Variants in SSH1 observed in about 807,000 individuals in gnomAD.
SSH1 encodes the protein protein phosphatase Slingshot homolog 1.
SSH1 carries 43 observed loss-of-function variants against 79.7 expected under a neutral mutation model. The observed-to-expected ratio is 0.54, with a 90% confidence interval of 0.42 to 0.70. SSH1 has a LOEUF of 0.70. SSH1 is among the 30% of genes least tolerant of loss of function. The pLI is 0.00. For missense variants in SSH1, 1,206 were observed against 1,358.8 expected (o/e 0.89, Z 1.77); for synonymous variants, 599 against 538.3 (o/e 1.11, Z -1.56).
chr12:108,824,588 A>C (rs2038244494), intron 2 of SSH1, among the ~76,000 whole-genome samples: 1 of 152,182 alleles, frequency 6.6e-6, no homozygotes, highest in Non-Finnish European at 1.5e-5. Context: ...TTCTCAGCAG[A>C]ATGAATCTTT....
intron 3 of SSH1, among the ~76,000 whole-genome samples, chr12:108,822,920 G>A (rs184608737): frequency 3.3e-5 from 5 of 152,276 alleles, no homozygotes; most frequent in South Asian, 2.1e-4. Context: ...TCAAGTGGAC[G>A]ACATCTGGCT....
chr12:108,816,338 T>C (rs2037884429), intron 5 of SSH1, among the ~76,000 whole-genome samples: 1 of 152,242 alleles, frequency 6.6e-6, no homozygotes, highest in Non-Finnish European at 1.5e-5. Flanking sequence ...AATCATATGC[T>C]TAATGAATGA....
Position 108,852,507 on chromosome 12 carries a change from G to A in SSH1, c.110+131C>T. 2.8e-6 allele frequency: 3 copies of A among 1,058,222 alleles called. No individual in the cohort carries two copies. The South Asian group carries it at 3.8e-5, about 13-fold the overall frequency. 65.6% of individuals were successfully genotyped at this position (1,058,222 alleles called of 1,614,324 possible). ...AGCCTCCCAAAGTGCTGGAATTACAGGCGTGACCCACCGCACCCAGCCCAA... is the reference window on the plus strand; with the variant it reads ...AGCCTCCCAAAGTGCTGGAATTACAAGCGTGACCCACCGCACCCAGCCCAA... On this transcript the variant is annotated intron_variant, in intron 2 of 14. Transcript: ENST00000326495.
chr12:108,814,118 G>GGA (rs937015863), intron 5 of SSH1, among the ~76,000 whole-genome samples: 4 of 152,202 alleles, frequency 2.6e-5, no homozygotes, highest in African/African-American at 9.6e-5. Flanking sequence ...CAGCTACTCA[G>GGA]GAGACTGAGG....
In SSH1 at chr12:108,807,832, G is replaced by A. The variant is rs1426557853; in HGVS notation, c.537-5C>T. On this transcript the variant is annotated splice_region_variant and splice_polypyrimidine_tract_variant and intron_variant, in intron 7 of 14. Coordinates refer to ENST00000326495, the MANE Select transcript of SSH1 (RefSeq NM_018984.4). This position sits in a 1 kb window ranked among gnomAD's most constrained non-coding sequence, Gnocchi z 5.2. ...TGAAGCACCTGCAGGGCAGACCTGG[G>A]GCGAGGAGAAGACAGGGTCAGGCCT... The A allele has an allele frequency of 1.2e-6, 2 of 1,613,694 alleles. No homozygotes were observed. Among genetic ancestry groups the A allele is most frequent in the South Asian group, 1.1e-5 (1 of 91,040 alleles).
chr12:108,802,411 A>C, intron 10 of SSH1, 43 bp from the exon 11 acceptor site: 1 of 1,589,924 alleles, frequency 6.3e-7, no homozygotes, highest in Non-Finnish European at 8.6e-7. Flanking sequence ...GTCACATGTC[A>C]GCCTCAGAGC....
chr12:108,856,946 C>T (rs2039156501), intron 1 of SSH1, among the ~76,000 whole-genome samples: 1 of 152,240 alleles, frequency 6.6e-6, no homozygotes, highest in South Asian at 2.1e-4. Context: ...ACAGTCCTCC[C>T]CAGACAGAGG....
chr12:108,799,258 T>A, intron 12 of SSH1, 58 bp from the exon 13 acceptor site: 1 of 1,444,036 alleles, frequency 6.9e-7, no homozygotes, highest in Non-Finnish European at 9.5e-7. Context: ...GGGGAAGGAG[T>A]TAAAAAGCTC....
intron 5 of SSH1, among the ~76,000 whole-genome samples, chr12:108,812,102 C>A (rs2037638146): frequency 6.6e-6 from 1 of 152,104 alleles, no homozygotes. Flanking sequence ...CTGCCCCATG[C>A]AGGACTCTTC....
At chr12:108,795,032 C>T (rs1425269864) in intron 13 of SSH1, among the ~76,000 whole-genome samples, 2 of 152,216 alleles carry the variant, frequency 1.3e-5, no homozygotes, top group Non-Finnish European at 2.9e-5. Flanking sequence ...TACCCCGCTT[C>T]ACATGAAAAT....
In SSH1 at chr12:108,786,574, A is replaced by T. The variant is rs2036280790; in HGVS notation, c.*1414T>A. On this transcript the variant is annotated 3_prime_UTR_variant, in exon 15 of 15. Transcript: ENST00000326495. ...TCACATATTATTTCTTTTTTTTACA[A>T]CTCCTTAAAAAGGTAAAAGCCATCG... 1.3e-5 allele frequency: 2 copies of T among 151,884 alleles called. No homozygotes were observed. The highest frequency in any genetic ancestry group is 4.8e-5 in the African/African-American group (2 of 41,322). 9.4% of individuals were successfully genotyped at this position (151,884 alleles called of 1,614,324 possible). A position where few individuals can be genotyped will look rare whatever the true frequency, so the allele number is the denominator to read the frequency against.
intron 7 of SSH1, among the ~76,000 whole-genome samples, chr12:108,808,086 C>T (rs2037379125): frequency 6.6e-6 from 1 of 152,156 alleles, no homozygotes; most frequent in Admixed American, 6.5e-5. Context: ...CACAGGCGCC[C>T]ACCACCACGC....
chr12:108,801,520 T>A (rs2037003942), intron 11 of SSH1, among the ~76,000 whole-genome samples: 1 of 152,154 alleles, frequency 6.6e-6, no homozygotes, highest in Admixed American at 6.5e-5. Context: ...CTTAAAAAAA[T>A]ACCTAAGAAA....
chr12:108,822,418 A>T (rs2038156527), intron 3 of SSH1, among the ~76,000 whole-genome samples: 1 of 151,736 alleles, frequency 6.6e-6, no homozygotes, highest in Admixed American at 6.6e-5. Context: ...TACAGGCAAG[A>T]GCCACCGTGC....
At chr12:108,847,081 C>T (rs1016854054) in intron 2 of SSH1, among the ~76,000 whole-genome samples, 2 of 151,882 alleles carry the variant, frequency 1.3e-5, no homozygotes, top group African/African-American at 2.4e-5. Context: ...ATTTTTTTTG[C>T]GGAGATGGGG....
chr12:108,828,722 C>G (rs191399511), intron 2 of SSH1, among the ~76,000 whole-genome samples: 1 of 152,162 alleles, frequency 6.6e-6, no homozygotes, highest in Non-Finnish European at 1.5e-5. Context: ...AGTTGGGGGA[C>G]AGGACACATC....
chr12:108,807,912 G>T lies in SSH1; in HGVS notation c.537-85C>A. ...CCTCTGACAAAGGGGTTCAAATACG[G>T]GAAGGGAAGGGCAATGATTGATTGG... is the stretch of plus-strand genomic sequence containing the variant. On this transcript the variant is annotated intron_variant, in intron 7 of 14. Coordinates refer to ENST00000326495, the MANE Select transcript of SSH1 (RefSeq NM_018984.4). This position sits in a 1 kb window ranked among gnomAD's most constrained non-coding sequence, Gnocchi z 5.2. 1 of 1,175,312 alleles carries T rather than the reference G, an allele frequency of 8.5e-7. No individual in the cohort carries two copies. Among genetic ancestry groups the T allele is most frequent in the Non-Finnish European group, 1.3e-6 (1 of 796,916 alleles). The allele number at this position is 1,175,312 out of a possible 1,614,324, so 72.8% of individuals were successfully genotyped here.
rs902021503 is a variant in SSH1, at chr12:108,852,693, A to G, written c.70-15T>C. 1.2e-6 allele frequency: 2 copies of G among 1,614,008 alleles called. No homozygotes were observed. Among genetic ancestry groups the G allele is most frequent in the African/African-American group, 2.7e-5 (2 of 74,934 alleles). ...CCAGCCTCCAACTACAGAGAAAGAA[A>G]GAGAATATCACACCACAGGCACCAC... On this transcript the variant is annotated splice_polypyrimidine_tract_variant and intron_variant, in intron 1 of 14. Transcript: ENST00000326495.
chr12:108,836,726 A>G (rs1336499782), intron 2 of SSH1, among the ~76,000 whole-genome samples: 1 of 152,268 alleles, frequency 6.6e-6, no homozygotes, highest in Non-Finnish European at 1.5e-5. Flanking sequence ...ACAGTGGAAA[A>G]GCCTGGTAAA....
Sources: gnomAD v4.1 joint callset for allele counts (sites outside exome capture counted in the v4.1 genomes callset) on GRCh38, gnomAD v4.1.1 for gene constraint, Gnocchi (gnomAD v3.1) non-coding constraint, MANE v1.5 for transcripts, NCBI Gene and HGNC (gene_info 2026-07-23, HGNC 2026-07-21) for gene names.